Variants in CAPS2 observed in about 807,000 individuals in gnomAD.
CAPS2 encodes the protein calcyphosine 2.
Under a neutral mutation model 86.5 loss-of-function variants are expected in CAPS2, and 98 were observed. The observed-to-expected ratio is 1.13, with a 90% CI of 0.96 to 1.34. CAPS2 has a LOEUF of 1.34. Ranked by LOEUF, CAPS2 falls within the 40% of genes most tolerant of loss-of-function variation. The pLI is 0.00. For synonymous variants in CAPS2, 210 were observed against 225.1 expected (o/e 0.93, Z 0.60); for missense variants, 729 against 686.8 (o/e 1.06, Z -0.69).
At chr12:75,296,524 C>G (rs1035241950) in intron 11 of CAPS2, among the ~76,000 whole-genome samples, 2 of 152,158 alleles carry the variant, frequency 1.3e-5, no homozygotes, top group Non-Finnish European at 2.9e-5. Flanking sequence ...AATCTCCTGA[C>G]CTCGTGATCT....
At chr12:75,280,690 C>A (rs1250482340) in intron 16 of CAPS2, among the ~76,000 whole-genome samples, 1 of 151,664 alleles carries the variant, frequency 6.6e-6, no homozygotes, top group African/African-American at 2.4e-5. Flanking sequence ...ACTAAAAATT[C>A]TCATAGAGTA....
rs76443124 is a variant in CAPS2 at position 75,343,731 on chromosome 12, G to A, written c.-394-20509C>T. The A allele has an allele frequency of 3.1e-6, 5 of 1,612,370 alleles. No homozygotes were observed. The East Asian group carries it at 1.1e-4, about 36-fold the overall frequency. ...GTTTAGCAAAGATGGCTAAAGCATG[G>A]GCAAACCAGTGCAAATTTGAACATA... On this transcript the variant is annotated intron_variant, in intron 1 of 5. Transcript: ENST00000551829.
rs561053943 is a variant in CAPS2 at position 75,284,400 on chromosome 12, T to A, written c.1515+561A>T. Reference sequence around the variant, plus strand: ...AAAATGGCTACCAAAATCCAAGTAATACATAGCTTCCTATTAAAGTCAGTA... The same window carrying A: ...AAAATGGCTACCAAAATCCAAGTAAAACATAGCTTCCTATTAAAGTCAGTA... On this transcript the variant is annotated intron_variant, in intron 15 of 16. Coordinates refer to ENST00000393284, the Ensembl canonical transcript of CAPS2. 2.0e-5 allele frequency among the ~76,000 whole-genome samples: 3 copies of A among 152,286 alleles called. No individual in the cohort carries two copies. In the South Asian group the frequency reaches 6.2e-4, roughly 32 times the overall value.
chr12:75,349,935 C>T (rs2042694000), intron 1 of CAPS2, among the ~76,000 whole-genome samples: 1 of 152,228 alleles, frequency 6.6e-6, no homozygotes, highest in East Asian at 1.9e-4. Flanking sequence ...GATTTCCTTA[C>T]ATTGGACTCC....
upstream of CAPS2, among the ~76,000 whole-genome samples, chr12:75,328,553 G>A (rs2041002652): frequency 6.6e-6 from 1 of 152,096 alleles, no homozygotes; most frequent in South Asian, 2.1e-4. Context: ...CAAAGCATGG[G>A]TAGTAAATAT....
chr12:75,329,868 T>G (rs758785265), upstream of CAPS2: 2 of 1,542,998 alleles, frequency 1.3e-6, no homozygotes, highest in South Asian at 2.4e-5. Context: ...ATCCCCTACC[T>G]AACTGGGATT....
intron 16 of CAPS2, among the ~76,000 whole-genome samples, chr12:75,281,571 T>C (rs1206520636): frequency 6.6e-6 from 1 of 152,022 alleles, no homozygotes; most frequent in Non-Finnish European, 1.5e-5. Flanking sequence ...TAAATATTTA[T>C]AGCATGCACA....
chr12:75,389,574 T>G (rs1480108698), intron 1 of CAPS2, among the ~76,000 whole-genome samples: 1 of 152,224 alleles, frequency 6.6e-6, no homozygotes, highest in African/African-American at 2.4e-5. Context: ...ACCACCATAA[T>G]AAAAGAATTG....
chr12:75,313,725 C>T (rs2039464088), intron 6 of CAPS2, among the ~76,000 whole-genome samples: 1 of 152,088 alleles, frequency 6.6e-6, no homozygotes, highest in Non-Finnish European at 1.5e-5. Flanking sequence ...CTGTCATCCC[C>T]ATTGATCACT....
At chr12:75,306,296 G>A (rs867508955) in intron 7 of CAPS2, 4 of 599,120 alleles carry the variant, frequency 6.7e-6, no homozygotes, top group Non-Finnish European at 1.2e-5. Context: ...CTATGGAGGA[G>A]GCCAGAGCTC....
intron 5 of CAPS2, among the ~76,000 whole-genome samples, chr12:75,318,514 C>G (rs936780022): frequency 1.3e-5 from 2 of 152,130 alleles, no homozygotes; most frequent in Non-Finnish European, 2.9e-5. Context: ...CCCTTGCTCT[C>G]CCTCCTTTGA....
At position 75,376,764 on chromosome 12, in the gene CAPS2, G is replaced by C. The variant is rs115909855; in HGVS notation, c.-395+14074C>G. On this transcript the variant is annotated intron_variant, in intron 1 of 5. Transcript: ENST00000551829. ...CATTTTAACAATAGATACCTGGTGA[G>C]GCTGAGCGTGCACCTTTCATTGCAG... Among the ~76,000 whole-genome samples the C allele has an allele frequency of 7.6e-3, 1,155 of 152,238 alleles. 16 individuals are homozygous for C. The highest frequency in any genetic ancestry group is 0.026 in the African/African-American group (1,094 of 41,548).
At chr12:75,290,640 G>T (rs1324885795) in intron 13 of CAPS2, among the ~76,000 whole-genome samples, 2 of 152,106 alleles carry the variant, frequency 1.3e-5, no homozygotes, top group African/African-American at 2.4e-5. Flanking sequence ...ATTAGGCCAA[G>T]TGTGATGGTT....
At chr12:75,298,993 T>C (rs747429919) in intron 9 of CAPS2, 27 bp from the exon 10 acceptor site, 10 of 1,399,702 alleles carry the variant, frequency 7.1e-6, no homozygotes, top group Non-Finnish European at 9.8e-6. Flanking sequence ...AAATCAAACA[T>C]CTTCAAATAG....
downstream of CAPS2, chr12:75,276,551 T>A (rs572830805): frequency 1.0e-3 from 975 of 979,712 alleles, no homozygotes; most frequent in Non-Finnish European, 1.1e-3. Context: ...CATACATGTT[T>A]AACTATAATG....
At position 75,316,455 on chromosome 12, in the gene CAPS2, T is replaced by G. The variant is rs1469139430; in HGVS notation, c.469-21A>C. 3 of 1,525,722 alleles carry G rather than the reference T, an allele frequency of 2.0e-6. No individual in the cohort carries two copies. In the African/African-American group the frequency reaches 4.2e-5, roughly 21 times the overall value. 94.5% of individuals were successfully genotyped at this position (1,525,722 alleles called of 1,614,324 possible). The stretch of plus-strand genomic sequence containing the variant: ...ACACACTATGCATGAAAGAAATAAA[T>G]GAAGCATCATACACATATTTAGAAT... On this transcript the variant is annotated intron_variant, in intron 5 of 16. Coordinates refer to ENST00000393284, the Ensembl canonical transcript of CAPS2.
At chr12:75,380,984 T>C (rs1206222200) in intron 1 of CAPS2, among the ~76,000 whole-genome samples, 1 of 152,212 alleles carries the variant, frequency 6.6e-6, no homozygotes, top group Non-Finnish European at 1.5e-5. Flanking sequence ...CAAATTTTAA[T>C]ATAAATAGTC....
intron 1 of CAPS2, among the ~76,000 whole-genome samples, chr12:75,349,987 C>T (rs2042698727): frequency 6.6e-6 from 1 of 152,206 alleles, no homozygotes; most frequent in Non-Finnish European, 1.5e-5. Flanking sequence ...CTAAGAAGAC[C>T]GGGTCCCGGG....
chr12:75,301,633 G>T (rs2037828467), intron 8 of CAPS2, among the ~76,000 whole-genome samples: 1 of 152,160 alleles, frequency 6.6e-6, no homozygotes, highest in African/African-American at 2.4e-5. Context: ...AACATAGACA[G>T]ATGAGTAAAT....
Sources: allele counts gnomAD v4.1 joint callset (sites outside exome capture counted in the v4.1 genomes callset), GRCh38; gene constraint gnomAD v4.1.1; transcripts MANE v1.5; gene names NCBI Gene and HGNC (gene_info 2026-07-23, HGNC 2026-07-21).